Variants in FOXJ3 observed in about 807,000 individuals in gnomAD.
FOXJ3 encodes forkhead box J3.
A neutral mutation model predicts 76.1 loss-of-function variants in FOXJ3; 22 were observed. That is an observed-to-expected ratio of 0.29 (90% CI 0.21 to 0.41). FOXJ3 has a LOEUF of 0.41. Among genes scored for constraint, FOXJ3 ranks in the 10% least tolerant of loss-of-function variants. The pLI is 1.00. For synonymous variants in FOXJ3, 269 were observed against 261.2 expected (o/e 1.03, Z -0.29); for missense variants, 613 against 762.1 (o/e 0.80, Z 2.30).
At chr1:42,296,809 C>T (rs562830540) in intron 2 of FOXJ3, among the ~76,000 whole-genome samples, 1 of 152,280 alleles carries the variant, frequency 6.6e-6, no homozygotes, top group Non-Finnish European at 1.5e-5. Flanking sequence ...TCCATATGCA[C>T]TCCAGTGCTG....
chr1:42,282,508 G>GT (rs1207655614), intron 2 of FOXJ3, among the ~76,000 whole-genome samples: 5 of 152,072 alleles, frequency 3.3e-5, no homozygotes, highest in African/African-American at 1.2e-4. Flanking sequence ...CTGACATGTT[G>GT]TTTCACATGC....
chr1:42,237,748 T>C (rs964284325), intron 4 of FOXJ3, among the ~76,000 whole-genome samples: 1 of 152,026 alleles, frequency 6.6e-6, no homozygotes, highest in African/African-American at 2.4e-5. Flanking sequence ...GGAAGTTTTA[T>C]AGTCTTAACT....
chr1:42,179,653 T>C lies in FOXJ3; in HGVS notation c.*57A>G. ...TTCTCAACTGGATTCTCTTAAACCT[T>C]TCCCTTCACTGCACAGAAAGGTAAC... On this transcript the variant is annotated 3_prime_UTR_variant, in exon 13 of 13. Transcript: ENST00000361346. The C allele has an allele frequency of 1.9e-6, 2 of 1,062,808 alleles. No individual in the cohort carries two copies. The highest frequency in any genetic ancestry group is 2.9e-6 in the Non-Finnish European group (2 of 684,730). The allele number at this position is 1,062,808 out of a possible 1,614,324, so 65.8% of individuals were successfully genotyped here. A position where few individuals can be genotyped will look rare whatever the true frequency, so the allele number is the denominator to read the frequency against.
rs568759471 is a variant in FOXJ3, at chr1:42,215,266, A to C, written c.529-9403T>G. ...AAAGTTAAAAAAAACTTGAATGGAA[A>C]TATAATAAAGGAAATCTCAAGAGAA... On this transcript the variant is annotated intron_variant, in intron 5 of 12. Coordinates refer to ENST00000361346, the MANE Select transcript of FOXJ3 (RefSeq NM_014947.5). Among the ~76,000 whole-genome samples the C allele has an allele frequency of 5.3e-5, 8 of 152,300 alleles. No homozygotes were observed. The South Asian group carries it at 1.7e-3, about 32-fold the overall frequency.
At chr1:42,197,853 A>G (rs60749364) in intron 7 of FOXJ3, among the ~76,000 whole-genome samples, 2,789 of 152,100 alleles carry the variant, frequency 0.018, 73 homozygotes, top group East Asian at 0.13. Flanking sequence ...GGCCAGGCTG[A>G]TATCAAACTC....
chr1:42,281,248 C>T (rs963230578), intron 2 of FOXJ3, among the ~76,000 whole-genome samples: 2 of 152,110 alleles, frequency 1.3e-5, no homozygotes, highest in African/African-American at 4.8e-5. Flanking sequence ...CCTCCAGGAA[C>T]TTATAATCCA....
At chr1:42,189,473 G>A in intron 9 of FOXJ3, 69 bp from the exon 10 acceptor site, 1 of 1,079,374 alleles carries the variant, frequency 9.3e-7, no homozygotes, top group East Asian at 2.5e-5. Flanking sequence ...GGAAAACGAT[G>A]AGCTGCCCTT....
chr1:42,188,495 C>A (rs530145899), intron 11 of FOXJ3, among the ~76,000 whole-genome samples: 2 of 152,272 alleles, frequency 1.3e-5, no homozygotes, highest in South Asian at 2.1e-4. Flanking sequence ...ATGGTTACAA[C>A]AGTTAACTGT....
chr1:42,313,508 C>T (rs1291976045), intron 1 of FOXJ3, among the ~76,000 whole-genome samples: 3 of 152,114 alleles, frequency 2.0e-5, no homozygotes, highest in Admixed American at 6.5e-5. Context: ...TAAATGTATT[C>T]ATAACTAAAA....
At position 42,208,669 on chromosome 1, in the gene FOXJ3, T is replaced by C. The variant is rs1409915817; in HGVS notation, c.529-2806A>G. Among the ~76,000 whole-genome samples, 4 of 152,266 alleles carry C rather than the reference T, an allele frequency of 2.6e-5. No individual in the cohort carries two copies. The South Asian group carries it at 6.2e-4, about 24-fold the overall frequency. Reference sequence around the variant, plus strand: ...CCACTGTCACCATTTCTATTCAACATAGTACTGGATGGCCTAGCCAAAGCA... The same window carrying C: ...CCACTGTCACCATTTCTATTCAACACAGTACTGGATGGCCTAGCCAAAGCA... On this transcript the variant is annotated intron_variant, in intron 5 of 12. Transcript: ENST00000361346.
chr1:42,209,258 A>G (rs1440933012), intron 5 of FOXJ3, among the ~76,000 whole-genome samples: 1 of 152,232 alleles, frequency 6.6e-6, no homozygotes, highest in South Asian at 2.1e-4. Flanking sequence ...ATACACTAAC[A>G]ACAAACTATC....
Position 42,247,866 on chromosome 1 carries a change from T to C in FOXJ3, c.444+17249A>G, listed in dbSNP as rs546055524. The stretch of plus-strand genomic sequence containing the variant: ...ACAAACAATCTAAATGTTCTTCAGC[T>C]GGATAAAGAGACTAACAATTGTGGT... On this transcript the variant is annotated intron_variant, in intron 4 of 12. Coordinates refer to ENST00000361346, the MANE Select transcript of FOXJ3 (RefSeq NM_014947.5). Among the ~76,000 whole-genome samples, 18 of 152,346 alleles carry C rather than the reference T, an allele frequency of 1.2e-4. No individual in the cohort carries two copies. In the South Asian group the frequency reaches 3.7e-3, roughly 32 times the overall value.
chr1:42,276,040 A>C (rs1218477369), intron 3 of FOXJ3, among the ~76,000 whole-genome samples: 1 of 152,206 alleles, frequency 6.6e-6, no homozygotes, highest in Non-Finnish European at 1.5e-5. Flanking sequence ...AATTAAGGAA[A>C]AGGGACAATC....
intron 1 of FOXJ3, among the ~76,000 whole-genome samples, chr1:42,312,025 A>C (rs1042644090): frequency 9.9e-5 from 15 of 152,210 alleles, no homozygotes; most frequent in Admixed American, 9.8e-4. Flanking sequence ...TTAAGTGTAT[A>C]CATACGCATA....
chr1:42,179,751 C>A lies in FOXJ3; in HGVS notation c.1828G>T (p.Asp610Tyr). The A allele has an allele frequency of 6.2e-7, 1 of 1,613,988 alleles. No homozygotes were observed. Among genetic ancestry groups the A allele is most frequent in the Non-Finnish European group, 8.5e-7 (1 of 1,179,892 alleles). ...AFQMRRSLPP[D>Y]DIQDDFDWDS... ...CAATCAAAGTCATCCTGGATGTCAT[C>A]TGGAGGCAGGGAACGCCGCATCTGG... Residue 610 changes from aspartate to tyrosine, a missense_variant, in exon 13 of 13, where the codon GAT becomes TAT. Transcript: ENST00000361346.
At chr1:42,291,027 T>C (rs1311657347) in intron 2 of FOXJ3, among the ~76,000 whole-genome samples, 1 of 65,410 alleles carries the variant, frequency 1.5e-5, no homozygotes, top group African/African-American at 6.7e-5. Context: ...AAGACCCATA[T>C]AGATAGATAG....
intron 1 of FOXJ3, among the ~76,000 whole-genome samples, chr1:42,329,074 C>T (rs1044646421): frequency 6.6e-6 from 1 of 152,152 alleles, no homozygotes; most frequent in Non-Finnish European, 1.5e-5. Context: ...ATAATAGCCA[C>T]TTTGAAAGAC....
intron 2 of FOXJ3, among the ~76,000 whole-genome samples, chr1:42,310,157 T>C (rs1308702283): frequency 6.6e-6 from 1 of 151,964 alleles, no homozygotes; most frequent in Non-Finnish European, 1.5e-5. Context: ...AGGTTTTTTT[T>C]TTTTTTTTGA....
chr1:42,286,796 G>C (rs1653085224), intron 2 of FOXJ3, among the ~76,000 whole-genome samples: 1 of 151,874 alleles, frequency 6.6e-6, no homozygotes, highest in African/African-American at 2.4e-5. Flanking sequence ...ACCACGCCCG[G>C]TTAAATTTTC....
Sources: allele counts gnomAD v4.1 joint callset (sites outside exome capture counted in the v4.1 genomes callset), GRCh38; gene constraint gnomAD v4.1.1; transcripts MANE v1.5; gene names NCBI Gene and HGNC (gene_info 2026-07-23, HGNC 2026-07-21).